Variants in XKR4 observed in about 807,000 individuals in gnomAD.
The protein encoded by XKR4 is XK-related protein 4.
A neutral mutation model predicts 53.9 loss-of-function variants in XKR4; 12 were observed. That is an observed-to-expected ratio of 0.22 (90% CI 0.14 to 0.36). The LOEUF (loss-of-function observed/expected upper bound fraction) is 0.36, where lower values mean the gene tolerates loss of function less well. Among genes scored for constraint, XKR4 ranks in the 10% least tolerant of loss-of-function variants. The pLI, the probability that XKR4 is intolerant of heterozygous loss-of-function variation, is 1.00. For synonymous variants in XKR4, 354 were observed against 362.4 expected (o/e 0.98, Z 0.26); for missense variants, 799 against 859.5 (o/e 0.93, Z 0.88).
At chr8:55,498,580 A>C (rs1231817861) in intron 2 of XKR4, among the ~76,000 whole-genome samples, 1 of 152,080 alleles carries the variant, frequency 6.6e-6, no homozygotes, top group African/African-American at 2.4e-5. Flanking sequence ...AGAATTTTGG[A>C]CCAGCCTGGA....
intron 2 of XKR4, chr8:55,450,594 CA>C: frequency 1.4e-6 from 1 of 728,956 alleles, no homozygotes; most frequent in Non-Finnish European, 2.5e-6. Context: ...TGGCTGAACT[CA>C]AACTCCATGG....
At chr8:55,438,723 A>C (rs1300411198) in intron 2 of XKR4, among the ~76,000 whole-genome samples, 1 of 152,086 alleles carries the variant, frequency 6.6e-6, no homozygotes, top group African/African-American at 2.4e-5. Flanking sequence ...AAGAAAGAAA[A>C]CCCTCTGGTA....
At chr8:55,352,332 A>C (rs1803735753) in intron 1 of XKR4, among the ~76,000 whole-genome samples, 1 of 152,264 alleles carries the variant, frequency 6.6e-6, no homozygotes, top group Admixed American at 6.5e-5. Context: ...ATCTCCAAGG[A>C]GCAGGGAGTG....
At chr8:55,394,929 A>C (rs1804492958) in intron 2 of XKR4, among the ~76,000 whole-genome samples, 1 of 152,234 alleles carries the variant, frequency 6.6e-6, no homozygotes, top group South Asian at 2.1e-4. Flanking sequence ...TCCAAAAATC[A>C]GCTAGGCTTT....
chr8:55,254,319 T>C (rs1416671160), intron 1 of XKR4, among the ~76,000 whole-genome samples: 3 of 152,086 alleles, frequency 2.0e-5, no homozygotes, highest in South Asian at 2.1e-4. Context: ...TTAAACACAC[T>C]GTAACTGTTT....
At chr8:55,318,499 G>A (rs4738073) in intron 1 of XKR4, among the ~76,000 whole-genome samples, 57,725 of 151,904 alleles carry the variant, frequency 0.38, 12,122 homozygotes, top group East Asian at 0.63. Context: ...TCCCAAACTC[G>A]ACCAAACCAA....
intron 1 of XKR4, among the ~76,000 whole-genome samples, chr8:55,265,409 G>A (rs1389854872): frequency 6.6e-6 from 1 of 152,240 alleles, no homozygotes; most frequent in African/African-American, 2.4e-5. Flanking sequence ...GTGGCTCCAA[G>A]GCTGGCCTGA....
At chr8:55,301,296 T>A (rs1451831610) in intron 1 of XKR4, among the ~76,000 whole-genome samples, 1 of 151,976 alleles carries the variant, frequency 6.6e-6, no homozygotes, top group Non-Finnish European at 1.5e-5. Flanking sequence ...GTTTCCAGCT[T>A]CATCCATGTC....
intron 1 of XKR4, among the ~76,000 whole-genome samples, chr8:55,112,726 C>A (rs1395004537): frequency 6.6e-6 from 1 of 151,788 alleles, no homozygotes; most frequent in Admixed American, 6.6e-5. Context: ...AGGAAATGAT[C>A]CTTTAGTGAG....
At position 55,523,387 on chromosome 8, in the gene XKR4, C is replaced by T. The variant is rs1440718143; in HGVS notation, c.1113C>T (p.Ala371=). 1.2e-6 allele frequency: 2 copies of T among 1,614,178 alleles called. No homozygotes were observed. The highest frequency in any genetic ancestry group is 1.7e-6 in the Non-Finnish European group (2 of 1,180,030). The change falls in exon 3 of 3, where the codon GCC becomes GCT. Residue 371 remains alanine (A), a synonymous_variant. Coordinates refer to ENST00000327381, the MANE Select transcript of XKR4 (RefSeq NM_052898.2). The part of the protein sequence containing the change: ...RDDKKPISYM[A]VIIQFCWHFF... ...ACAAGAAGCCCATCAGCTACATGGC[C>T]GTCATCATCCAGTTCTGCTGGCACT...
chr8:55,411,574 G>T (rs1374951244), intron 2 of XKR4, among the ~76,000 whole-genome samples: 1 of 152,198 alleles, frequency 6.6e-6, no homozygotes, highest in Admixed American at 6.5e-5. Flanking sequence ...CTGACCACTT[G>T]CCTAACCCTG....
In XKR4 at chr8:55,212,262, C is replaced by T. The variant is rs1220650801; in HGVS notation, c.806+108968C>T. ...AGGTACCATACACTTAGTTAATTCT[C>T]TCCTGGATCAGGAAAAAGACATGGA... is the stretch of plus-strand genomic sequence containing the variant. On this transcript the variant is annotated intron_variant, in intron 1 of 2. Coordinates refer to ENST00000327381, the MANE Select transcript of XKR4 (RefSeq NM_052898.2). Among the ~76,000 whole-genome samples the T allele has an allele frequency of 2.0e-5, 3 of 152,278 alleles. No homozygotes were observed. The East Asian group carries it at 5.8e-4, about 29-fold the overall frequency.
At chr8:55,516,966 T>C (rs189647113) in intron 2 of XKR4, among the ~76,000 whole-genome samples, 18 of 152,294 alleles carry the variant, frequency 1.2e-4, no homozygotes, top group Admixed American at 9.8e-4. Context: ...GAAATCATGT[T>C]TTTTTGCAGC....
intron 2 of XKR4, among the ~76,000 whole-genome samples, chr8:55,516,226 C>T (rs1021801191): frequency 1.1e-4 from 17 of 152,120 alleles, no homozygotes; most frequent in African/African-American, 4.1e-4. Context: ...ACTAAAGAAA[C>T]TATAAAATTT....
chr8:55,243,008 T>C (rs1348230901), intron 1 of XKR4, among the ~76,000 whole-genome samples: 2 of 152,234 alleles, frequency 1.3e-5, no homozygotes, highest in Non-Finnish European at 2.9e-5. Context: ...CTATTTTTGT[T>C]GTATTCCTTT....
chr8:55,114,117 A>G (rs911152103), intron 1 of XKR4, among the ~76,000 whole-genome samples: 1 of 152,120 alleles, frequency 6.6e-6, no homozygotes, highest in Non-Finnish European at 1.5e-5. Context: ...ATCAAATGGT[A>G]GTTCTATTTT....
chr8:55,171,363 A>G (rs958042361), intron 1 of XKR4, among the ~76,000 whole-genome samples: 1 of 152,164 alleles, frequency 6.6e-6, no homozygotes, highest in African/African-American at 2.4e-5. Flanking sequence ...GGGACAGGCA[A>G]GCTGGTGCTT....
chr8:55,151,112 A>G (rs1816834653), intron 1 of XKR4, among the ~76,000 whole-genome samples: 2 of 152,202 alleles, frequency 1.3e-5, no homozygotes, highest in Non-Finnish European at 2.9e-5. Flanking sequence ...TTTATTTATC[A>G]TCTCTCAAGC....
chr8:55,477,559 T>G (rs536853173), intron 2 of XKR4, among the ~76,000 whole-genome samples: 3 of 152,222 alleles, frequency 2.0e-5, no homozygotes, highest in Non-Finnish European at 4.4e-5. Context: ...GGACGGAGAA[T>G]GACTTTGACA....
Sources: gnomAD v4.1 joint callset for allele counts (sites outside exome capture counted in the v4.1 genomes callset) on GRCh38, gnomAD v4.1.1 for gene constraint, MANE v1.5 for transcripts, NCBI Gene and HGNC (gene_info 2026-07-23, HGNC 2026-07-21) for gene names.